The following SUPT3H variants were observed in gnomAD, a reference collection of about 807,000 sequenced individuals.
SUPT3H encodes transcription initiation protein SPT3 homolog.
In SUPT3H, 44 loss-of-function variants were observed where a neutral mutation model predicts 44.3. The observed-to-expected ratio is 0.99, with a 90% confidence interval of 0.78 to 1.28. The LOEUF (loss-of-function observed/expected upper bound fraction) is 1.28. Among genes scored for constraint, SUPT3H ranks in the 50% most tolerant of loss-of-function variants. The probability of loss-of-function intolerance (pLI) is 0.00; values close to 1 mark genes in which losing one functional copy is unlikely to be tolerated. For synonymous variants in SUPT3H, 124 were observed against 125.6 expected, an observed-to-expected ratio of 0.99 and a Z score of 0.09; for missense variants, 380 against 387.1, an observed-to-expected ratio of 0.98 and a Z score of 0.15.
intron 2 of SUPT3H, among the ~76,000 whole-genome samples, chr6:45,355,256 C>T (rs1792931465): frequency 1.3e-5 from 2 of 151,826 alleles, no homozygotes; most frequent in Non-Finnish European, 2.9e-5. Flanking sequence ...GCCACCATGC[C>T]CAGCTCCAAT....
At chr6:45,067,748 C>T (rs1295418807) in intron 3 of SUPT3H, among the ~76,000 whole-genome samples, 1 of 145,292 alleles carries the variant, frequency 6.9e-6, no homozygotes, top group Admixed American at 6.8e-5. Context: ...AAATGCAAAT[C>T]AAAACCACTA....
At chr6:44,965,988 A>T (rs1268513442) in intron 6 of SUPT3H, among the ~76,000 whole-genome samples, 2 of 152,214 alleles carry the variant, frequency 1.3e-5, no homozygotes, top group African/African-American at 4.8e-5. Context: ...CCGGCCTAAG[A>T]CCAGAAACTG....
chr6:45,206,554 A>T (rs1763250150), intron 2 of SUPT3H, among the ~76,000 whole-genome samples: 7 of 152,148 alleles, frequency 4.6e-5, no homozygotes, highest in Admixed American at 4.6e-4. Context: ...TAAAAAAAAA[A>T]TCTAATTTAA....
intron 10 of SUPT3H, among the ~76,000 whole-genome samples, chr6:44,892,234 A>AGTTAAATG (rs1445201848): frequency 2.0e-5 from 3 of 152,252 alleles, no homozygotes; most frequent in African/African-American, 7.2e-5. Context: ...AGATAGTTAT[A>AGTTAAATG]GTTAAATGAG....
intron 11 of SUPT3H, among the ~76,000 whole-genome samples, chr6:44,819,361 GT>G (rs1767121370): frequency 6.6e-6 from 1 of 151,932 alleles, no homozygotes; most frequent in Non-Finnish European, 1.5e-5. Context: ...TGAAAAAACT[GT>G]TTTGGGTTCT....
intron 3 of SUPT3H, among the ~76,000 whole-genome samples, chr6:45,054,532 T>C (rs1393324142): frequency 6.6e-5 from 10 of 152,202 alleles, no homozygotes; most frequent in African/African-American, 1.4e-4. Flanking sequence ...AAAATTTATA[T>C]GAAATAAATG....
chr6:45,353,465 AAGC>A (rs1284785759), intron 2 of SUPT3H, among the ~76,000 whole-genome samples: 15 of 152,088 alleles, frequency 9.9e-5, no homozygotes, highest in African/African-American at 3.4e-4. Context: ...CAACGGAACA[AAGC>A]AGAAAAGTTT....
chr6:45,083,432 C>T (rs1444317645), intron 3 of SUPT3H, among the ~76,000 whole-genome samples: 1 of 151,782 alleles, frequency 6.6e-6, no homozygotes, highest in African/African-American at 2.4e-5. Flanking sequence ...CCTCATAATC[C>T]ACCCGCCTCA....
chr6:45,033,037 ATAAC>A lies in SUPT3H; in HGVS notation c.187-12409_187-12406del, dbSNP rs1429066153. 4.6e-5 allele frequency among the ~76,000 whole-genome samples: 7 copies of A among 152,310 alleles called. No individual in the cohort carries two copies. In the East Asian group the frequency reaches 1.3e-3, roughly 29 times the overall value. ...TGTGTGCTCTGTGAGAATGTGATCAATAACTAAATATAGAGAAGATTGTACTAAC... is the reference window on the plus strand; with the variant it reads ...TGTGTGCTCTGTGAGAATGTGATCAATAAATATAGAGAAGATTGTACTAAC... On this transcript the variant is annotated intron_variant, in intron 3 of 10. Transcript: ENST00000371459.
chr6:45,146,353 T>C (rs1440525626), intron 2 of SUPT3H, among the ~76,000 whole-genome samples: 2 of 152,058 alleles, frequency 1.3e-5, no homozygotes, highest in Non-Finnish European at 2.9e-5. Context: ...TATCATATGT[T>C]CTCACTTATA....
intron 7 of SUPT3H, among the ~76,000 whole-genome samples, chr6:44,956,299 A>G (rs1428541976): frequency 1.3e-5 from 2 of 151,602 alleles, no homozygotes; most frequent in Non-Finnish European, 2.9e-5. Context: ...CCTGGCCAAC[A>G]TGGTGAAACC....
chr6:45,206,927 T>C (rs1339377223), intron 2 of SUPT3H, among the ~76,000 whole-genome samples: 1 of 152,106 alleles, frequency 6.6e-6, no homozygotes, highest in Admixed American at 6.5e-5. Flanking sequence ...ATAGTACTGA[T>C]TTCAATATGT....
intron 5 of SUPT3H, among the ~76,000 whole-genome samples, chr6:45,010,122 T>G (rs2153510241): frequency 6.6e-6 from 1 of 152,270 alleles, no homozygotes; most frequent in South Asian, 2.1e-4. Flanking sequence ...GTTTTCTTAA[T>G]TTCATTTTTG....
intron 10 of SUPT3H, among the ~76,000 whole-genome samples, chr6:44,830,483 A>G (rs1768462692): frequency 6.6e-6 from 1 of 152,218 alleles, no homozygotes; most frequent in African/African-American, 2.4e-5. Context: ...CTCCCATAAA[A>G]GAAAATGGGA....
chr6:44,960,625 T>G (rs1481868582), intron 7 of SUPT3H, among the ~76,000 whole-genome samples: 1 of 152,128 alleles, frequency 6.6e-6, no homozygotes, highest in African/African-American at 2.4e-5. Context: ...TCAATTGCAC[T>G]AAATGTTACT....
At chr6:44,915,379 C>A (rs768309104) in intron 10 of SUPT3H, among the ~76,000 whole-genome samples, 1 of 152,154 alleles carries the variant, frequency 6.6e-6, no homozygotes, top group Admixed American at 6.6e-5. Flanking sequence ...GAATAATTTA[C>A]GGTTCTGCTG....
chr6:44,928,760 G>A (rs1262168333), intron 10 of SUPT3H, among the ~76,000 whole-genome samples: 1 of 150,792 alleles, frequency 6.6e-6, no homozygotes, highest in African/African-American at 2.4e-5. Context: ...GCGGGCGCCT[G>A]TAGTCCCAGC....
chr6:45,098,914 G>A, intron 3 of SUPT3H: 2 of 527,576 alleles, frequency 3.8e-6, no homozygotes, highest in South Asian at 2.9e-5. Flanking sequence ...CATAAAATGG[G>A]GAAGATCCCA....
At chr6:45,322,301 T>C (rs1022018517) in intron 2 of SUPT3H, among the ~76,000 whole-genome samples, 7 of 151,888 alleles carry the variant, frequency 4.6e-5, no homozygotes, top group African/African-American at 1.7e-4. Flanking sequence ...TTCAATGCTT[T>C]CAAGCTTCTA....
Sources: allele counts gnomAD v4.1 joint callset (sites outside exome capture counted in the v4.1 genomes callset), GRCh38; gene constraint gnomAD v4.1.1; transcripts MANE v1.5; gene names NCBI Gene and HGNC (gene_info 2026-07-23, HGNC 2026-07-21).